Variants in COL25A1 observed in about 807,000 individuals in gnomAD.
The protein encoded by COL25A1 is collagen alpha-1(XXV) chain.
Under a neutral mutation model 128.4 loss-of-function variants are expected in COL25A1, and 103 were observed. The observed-to-expected ratio is 0.80, with a 90% confidence interval of 0.68 to 0.94. The LOEUF (loss-of-function observed/expected upper bound fraction) is 0.94, where lower values mean the gene tolerates loss of function less well. Ranked by LOEUF, COL25A1 falls within the 40% of genes least tolerant of loss-of-function variation. The pLI, the probability that COL25A1 is intolerant of heterozygous loss-of-function variation, is 0.00. For synonymous variants in COL25A1, 279 were observed against 277.2 expected (o/e 1.01, Z -0.06); for missense variants, 745 against 840.0 (o/e 0.89, Z 1.40).
At chr4:108,857,467 C>G (rs994841931) in intron 24 of COL25A1, among the ~76,000 whole-genome samples, 1 of 151,778 alleles carries the variant, frequency 6.6e-6, no homozygotes, top group Non-Finnish European at 1.5e-5. Flanking sequence ...AAGATACTGT[C>G]CAAGCAACAT....
At position 108,883,823 on chromosome 4, in the gene COL25A1, A is replaced by C. The variant is rs374604182; in HGVS notation, c.1020+355T>G. On this transcript the variant is annotated intron_variant, in intron 19 of 37. Coordinates refer to ENST00000399132, the MANE Select transcript of COL25A1 (RefSeq NM_198721.4). ...ATGTTAGCTTTATGGGGATGTTAAG[A>C]CTCTAATTCTGATCAAAATCTGATA... 4.5e-4 allele frequency among the ~76,000 whole-genome samples: 69 copies of C among 152,268 alleles called. 2 individuals carry two copies. In the South Asian group the frequency reaches 0.014, roughly 31 times the overall value.
intron 8 of COL25A1, among the ~76,000 whole-genome samples, chr4:108,961,497 C>T (rs1008614549): frequency 6.6e-6 from 1 of 152,146 alleles, no homozygotes; most frequent in Non-Finnish European, 1.5e-5. Context: ...GCAAGATTTG[C>T]CACTTAGTTT....
chr4:109,057,066 C>A (rs1396460566), intron 3 of COL25A1, among the ~76,000 whole-genome samples: 1 of 152,064 alleles, frequency 6.6e-6, no homozygotes, highest in Non-Finnish European at 1.5e-5. Context: ...CACTGTGTTG[C>A]CCAGGCTGGT....
At chr4:109,286,771 A>G (rs2346029) in intron 3 of COL25A1, among the ~76,000 whole-genome samples, 40,941 of 152,078 alleles carry the variant, frequency 0.27, 9,190 homozygotes, top group African/African-American at 0.61. Flanking sequence ...TTGAAAATCT[A>G]TATACCACTG....
At chr4:109,173,951 C>T (rs1398046779) in intron 3 of COL25A1, among the ~76,000 whole-genome samples, 1 of 152,096 alleles carries the variant, frequency 6.6e-6, no homozygotes, top group Non-Finnish European at 1.5e-5. Flanking sequence ...ATCATGGCAG[C>T]ACTCAAAACA....
intron 3 of COL25A1, among the ~76,000 whole-genome samples, chr4:109,207,352 C>G (rs537515823): frequency 6.6e-6 from 1 of 152,176 alleles, no homozygotes; most frequent in South Asian, 2.1e-4. Flanking sequence ...AACATCTTGG[C>G]AGTCTTCCTG....
At chr4:109,117,637 T>C (rs909355610) in intron 3 of COL25A1, among the ~76,000 whole-genome samples, 2 of 151,988 alleles carry the variant, frequency 1.3e-5, no homozygotes, top group African/African-American at 2.4e-5. Flanking sequence ...GTCTAACAAA[T>C]GCTACTTTAT....
chr4:108,921,885 C>T (rs1373765133), intron 11 of COL25A1, among the ~76,000 whole-genome samples: 1 of 152,128 alleles, frequency 6.6e-6, no homozygotes, highest in East Asian at 1.9e-4. Flanking sequence ...ATCTCACTCC[C>T]TTTATTTAAA....
At chr4:109,203,740 C>T (rs1336125741) in intron 3 of COL25A1, among the ~76,000 whole-genome samples, 1 of 149,766 alleles carries the variant, frequency 6.7e-6, no homozygotes, top group Non-Finnish European at 1.5e-5. Context: ...AAAAGTAAAG[C>T]AATGTTTAAT....
At chr4:109,255,968 T>G (rs1781052027) in intron 3 of COL25A1, among the ~76,000 whole-genome samples, 1 of 152,154 alleles carries the variant, frequency 6.6e-6, no homozygotes, top group Non-Finnish European at 1.5e-5. Context: ...AGAGCATACC[T>G]AGCTCCCACA....
At chr4:108,928,235 A>G (rs903599928) in intron 11 of COL25A1, among the ~76,000 whole-genome samples, 2 of 152,218 alleles carry the variant, frequency 1.3e-5, no homozygotes, top group Non-Finnish European at 2.9e-5. Flanking sequence ...TTAAATCAAC[A>G]ATGCTGAGAA....
intron 3 of COL25A1, among the ~76,000 whole-genome samples, chr4:109,297,862 CTTTTTTTTTTTTTT>C (rs35099153): frequency 2.3e-4 from 15 of 63,830 alleles, no homozygotes; most frequent in Admixed American, 7.3e-4. Context: ...TTTTCCTTTT[CTTTTTTTTTTTTTT>C]TTTTTTTTTT....
At chr4:109,254,176 TTA>T (rs1780882815) in intron 3 of COL25A1, among the ~76,000 whole-genome samples, 1 of 151,800 alleles carries the variant, frequency 6.6e-6, no homozygotes. Flanking sequence ...ATAGATAATT[TTA>T]TGTCACCACA....
At position 109,136,716 on chromosome 4, in the gene COL25A1, C is replaced by T. The variant is rs1038034684; in HGVS notation, c.368-86537G>A. 2.0e-5 allele frequency among the ~76,000 whole-genome samples: 3 copies of T among 152,096 alleles called. 1 individual carries two copies. Among genetic ancestry groups the T allele is most frequent in the Admixed American group, 1.3e-4 (2 of 15,272 alleles). On this transcript the variant is annotated intron_variant, in intron 3 of 37. Transcript: ENST00000399132. ...TGTAGATAATGTAAGCCATGTGTGG[C>T]GGGCAGCCGCTGAGAAGGCCTCAGT...
intron 3 of COL25A1, among the ~76,000 whole-genome samples, chr4:109,130,405 T>C (rs1219002732): frequency 1.3e-5 from 2 of 151,890 alleles, no homozygotes; most frequent in African/African-American, 4.8e-5. Flanking sequence ...AGCACATAAA[T>C]AGATGTCCCA....
At chr4:108,920,308 T>C (rs185084215) in intron 12 of COL25A1, among the ~76,000 whole-genome samples, 4 of 152,346 alleles carry the variant, frequency 2.6e-5, no homozygotes, top group Admixed American at 1.3e-4. Context: ...TTGTCATGTT[T>C]TACCAGTATT....
chr4:109,051,746 T>C (rs1382840957), intron 3 of COL25A1, among the ~76,000 whole-genome samples: 2 of 151,780 alleles, frequency 1.3e-5, no homozygotes, highest in Non-Finnish European at 2.9e-5. Flanking sequence ...AACTACTATA[T>C]ACTTATAATG....
chr4:109,217,593 G>A (rs1778094319), intron 3 of COL25A1, among the ~76,000 whole-genome samples: 2 of 152,014 alleles, frequency 1.3e-5, no homozygotes, highest in African/African-American at 2.4e-5. Flanking sequence ...GGTAGGCGCT[G>A]ACAAGCCAGA....
intron 3 of COL25A1, among the ~76,000 whole-genome samples, chr4:109,091,846 G>A (rs924391790): frequency 3.3e-5 from 5 of 152,152 alleles, no homozygotes; most frequent in African/African-American, 1.2e-4. Context: ...GAAGGGTCTG[G>A]CTGCTCTGCA....
Sources: allele counts gnomAD v4.1 joint callset (sites outside exome capture counted in the v4.1 genomes callset), GRCh38; gene constraint gnomAD v4.1.1; transcripts MANE v1.5; gene names NCBI Gene and HGNC (gene_info 2026-07-23, HGNC 2026-07-21).